The following PIK3CD variants were observed in gnomAD, a reference collection of about 807,000 sequenced individuals.
PIK3CD encodes phosphatidylinositol-4,5-bisphosphate 3-kinase catalytic subunit delta.
Under a neutral mutation model 122.9 loss-of-function variants are expected in PIK3CD, and 20 were observed. The ratio of observed to expected loss-of-function variants is 0.16; its 90% CI spans 0.11 to 0.24. The LOEUF (loss-of-function observed/expected upper bound fraction) is 0.24, where lower values mean the gene tolerates loss of function less well. Ranked by LOEUF, PIK3CD falls within the 10% of genes least tolerant of loss-of-function variation. PIK3CD has a pLI of 1.00. For synonymous variants in PIK3CD, 596 were observed against 593.4 expected (o/e 1.00, Z -0.06); for missense variants, 787 against 1,406.3 (o/e 0.56, Z 7.04).
Position 9,726,147 on chromosome 1 carries a change from A to T in PIK3CD, c.2998-762A>T, listed in dbSNP as rs146540194. On this transcript the variant is annotated intron_variant, in intron 23 of 23. Transcript: ENST00000377346. ...AGAATCACTTGAACACGAGAGACTG[A>T]GGCTGCAGTAAGCCTAGATCGCGCC... Among the ~76,000 whole-genome samples the T allele has an allele frequency of 3.7e-3, 569 of 152,218 alleles. 1 individual carries two copies. The highest frequency in any genetic ancestry group is 0.034 in the Middle Eastern group (10 of 294).
At chr1:9,677,424 T>C (rs1645579319) in intron 1 of PIK3CD, among the ~76,000 whole-genome samples, 1 of 151,880 alleles carries the variant, frequency 6.6e-6, no homozygotes. Flanking sequence ...GGCAGGCAGA[T>C]CACTTGAGGT....
intron 2 of PIK3CD, among the ~76,000 whole-genome samples, chr1:9,693,345 C>T (rs1456805323): frequency 6.6e-6 from 1 of 152,144 alleles, no homozygotes; most frequent in African/African-American, 2.4e-5. Context: ...CTGCCTCAGC[C>T]TCCCAAGTAG....
rs752092661 is a variant in PIK3CD, at chr1:9,719,905, C to T, written c.1243-16C>T. ...GCCCCTGAGTGGCTGTCCTCACCTG[C>T]CCTGTCCTTCTGCAGGACTGCCCCA... On this transcript the variant is annotated splice_polypyrimidine_tract_variant and intron_variant, in intron 9 of 23. Transcript: ENST00000377346. This position sits in a 1 kb window ranked among gnomAD's most constrained non-coding sequence, Gnocchi z 5.5. 53 of 1,609,328 alleles carry T rather than the reference C, an allele frequency of 3.3e-5. No homozygotes were observed. The highest frequency in any genetic ancestry group is 8.5e-6 in the Non-Finnish European group (10 of 1,176,360).
At chr1:9,630,707 A>AGTGTGTGTGT in the PIK3CD span, among the ~76,000 whole-genome samples, 1,956 of 147,636 alleles carry the variant, frequency 0.013, 31 homozygotes, top group African/African-American at 0.029. Flanking sequence ...AAAGAAAGTG[A>AGTGTGTGTGT]GTGTGTGTGT....
At chr1:9,691,638 A>G in intron 2 of PIK3CD, 67 bp downstream of exon 2, 1 of 398,088 alleles carries the variant, frequency 2.5e-6, no homozygotes, top group Non-Finnish European at 4.4e-6. Context: ...TAGATAGGTT[A>G]AGAATGTGAA....
intron 1 of PIK3CD, among the ~76,000 whole-genome samples, chr1:9,665,099 GA>G (rs753625101): frequency 4.0e-5 from 6 of 151,246 alleles, no homozygotes; most frequent in Non-Finnish European, 7.4e-5. Context: ...AGCTACTTGG[GA>G]GGCTGAGGCA....
At position 9,716,564 on chromosome 1, in the gene PIK3CD, A is replaced by G; in HGVS notation, c.725A>G (p.Gln242Arg). ...GAGCAGCCGGAAGACTACACGCTGC[A>G]GGTGAACGGCAGGCATGAGTACCTG... The part of the protein sequence containing the change: ...LVEQPEDYTL[Q>R]VNGRHEYLYG... The change falls in exon 6 of 24, where the codon CAG becomes CGG. Residue 242 changes from glutamine to arginine, a missense_variant. By Grantham distance (43) the Gln-to-Arg change is conservative. Around this residue, in one of 6 missense-constraint regions of PIK3CD, gnomAD observed 592 missense variants for 920.6 expected, o/e 0.64. Coordinates refer to ENST00000377346, the MANE Select transcript of PIK3CD (RefSeq NM_005026.5). The G allele has an allele frequency of 6.2e-7, 1 of 1,601,026 alleles. No individual in the cohort carries two copies. Among genetic ancestry groups the G allele is most frequent in the Non-Finnish European group, 8.5e-7 (1 of 1,175,324 alleles).
chr1:9,728,880 T>C lies in PIK3CD; in HGVS notation c.*1834T>C, dbSNP rs1244898638. ...GATGTGGGTTGAGACCAGCACTCTG[T>C]GAAACCTTGAAATGAGAAGTAAAGG... On this transcript the variant is annotated 3_prime_UTR_variant, in exon 24 of 24. Transcript: ENST00000377346. The C allele has an allele frequency of 6.6e-6, 1 of 152,208 alleles. No individual in the cohort carries two copies. The highest frequency in any genetic ancestry group is 1.5e-5 in the Non-Finnish European group (1 of 68,040). 9.4% of individuals were successfully genotyped at this position (152,208 alleles called of 1,614,324 possible).
chr1:9,662,060 A>T (rs966086369), intron 1 of PIK3CD, among the ~76,000 whole-genome samples: 1 of 151,816 alleles, frequency 6.6e-6, no homozygotes, highest in Admixed American at 6.6e-5. Context: ...CAGGAGGCTG[A>T]GGCAGGAAAA....
At chr1:9,663,387 C>T (rs1246948688) in intron 1 of PIK3CD, among the ~76,000 whole-genome samples, 7 of 152,108 alleles carry the variant, frequency 4.6e-5, no homozygotes, top group African/African-American at 1.7e-4. Flanking sequence ...ATGCTAGATC[C>T]AGCCCATCTC....
At chr1:9,670,101 G>A (rs182955039) in intron 1 of PIK3CD, among the ~76,000 whole-genome samples, 42 of 148,276 alleles carry the variant, frequency 2.8e-4, no homozygotes, top group African/African-American at 9.8e-4. Flanking sequence ...TTGAACCTGG[G>A]AGGCAGAGGT....
chr1:9,674,527 T>C (rs1450115100), intron 1 of PIK3CD, among the ~76,000 whole-genome samples: 1 of 151,498 alleles, frequency 6.6e-6, no homozygotes, highest in Admixed American at 6.6e-5. Flanking sequence ...TTGTCTCTAC[T>C]AAAAATACAA....
intron 2 of PIK3CD, 98 bp downstream of exon 2, chr1:9,691,669 C>A: frequency 2.5e-6 from 1 of 395,746 alleles, no homozygotes; most frequent in East Asian, 3.6e-5. Context: ...CTCCCCGACT[C>A]TCCAGCCAAA....
At chr1:9,658,013 T>C (rs1474637969) in intron 1 of PIK3CD, among the ~76,000 whole-genome samples, 1 of 152,164 alleles carries the variant, frequency 6.6e-6, no homozygotes, top group Admixed American at 6.5e-5. Flanking sequence ...CTCTTTTCTA[T>C]GTTGGTCATG....
At chr1:9,681,417 T>TTTTG (rs755620232) in intron 1 of PIK3CD, among the ~76,000 whole-genome samples, 6 of 152,086 alleles carry the variant, frequency 3.9e-5, no homozygotes, top group Admixed American at 6.6e-5. Context: ...CTGCTGCTTT[T>TTTTG]TTTGTTTGTT....
chr1:9,706,050 ATTTTTTTTTT>A (rs140912843), intron 2 of PIK3CD, among the ~76,000 whole-genome samples: 2 of 85,204 alleles, frequency 2.3e-5, no homozygotes, highest in African/African-American at 9.5e-5. Flanking sequence ...ATTTATTGGA[ATTTTTTTTTT>A]TTTTTTTTTT....
Position 9,717,752 on chromosome 1 carries a change from T to G in PIK3CD, c.1020+126T>G. On this transcript the variant is annotated intron_variant, in intron 8 of 23. Transcript: ENST00000377346. This position sits in a 1 kb window ranked among gnomAD's most constrained non-coding sequence, Gnocchi z 5.4. ...AGCCACCTGACCACATTACCCAGCA[T>G]CCCTGCCTGGGGCGCTGTGAGCGGC... 3.5e-6 allele frequency: 3 copies of G among 869,388 alleles called. No homozygotes were observed. The highest frequency in any genetic ancestry group is 1.7e-5 in the African/African-American group (1 of 60,046). The allele number at this position is 869,388 out of a possible 1,614,324, so 53.9% of individuals were successfully genotyped here. A position where few individuals can be genotyped will look rare whatever the true frequency, so the allele number is the denominator to read the frequency against.
intron 2 of PIK3CD, among the ~76,000 whole-genome samples, chr1:9,692,476 T>C (rs765198639): frequency 1.8e-4 from 28 of 152,226 alleles, no homozygotes; most frequent in South Asian, 1.0e-3. Context: ...CCTGTAATCC[T>C]AGCACTTTGG....
chr1:9,721,397 G>C, intron 14 of PIK3CD, 47 bp from the exon 15 acceptor site: 1 of 1,611,344 alleles, frequency 6.2e-7, no homozygotes, highest in Non-Finnish European at 8.5e-7. Context: ...GCTCCCTCCT[G>C]TCCTGAGTCG....
Sources: gnomAD v4.1 joint callset for allele counts (sites outside exome capture counted in the v4.1 genomes callset) on GRCh38, gnomAD v4.1.1 for gene constraint, gnomAD v4.1.1 regional missense constraint, Gnocchi (gnomAD v3.1) non-coding constraint, MANE v1.5 for transcripts, NCBI Gene and HGNC (gene_info 2026-07-23, HGNC 2026-07-21) for gene names.